The following ELMO1 variants were observed in gnomAD, a reference collection of about 807,000 sequenced individuals.
ELMO1 encodes the protein engulfment and cell motility protein 1.
Under a neutral mutation model 98.9 loss-of-function variants are expected in ELMO1, and 26 were observed. The ratio of observed to expected loss-of-function variants is 0.26; its 90% CI spans 0.19 to 0.36. The LOEUF (loss-of-function observed/expected upper bound fraction) is 0.36. Ranked by LOEUF, ELMO1 falls within the 10% of genes least tolerant of loss-of-function variation. The pLI is 1.00. For synonymous variants in ELMO1, 346 were observed against 346.0 expected (o/e 1.00, Z 0.00); for missense variants, 627 against 935.2 (o/e 0.67, Z 4.30).
At chr7:37,274,010 A>G (rs1421173982) in intron 4 of ELMO1, among the ~76,000 whole-genome samples, 2 of 152,136 alleles carry the variant, frequency 1.3e-5, no homozygotes, top group Non-Finnish European at 2.9e-5. Context: ...AAAACCCAAC[A>G]CCACCAGATC....
rs192956822 is a variant in ELMO1, at chr7:37,405,651, G to A, written c.-74+43024C>T. Among the ~76,000 whole-genome samples, 30 of 152,254 alleles carry A rather than the reference G, an allele frequency of 2.0e-4. No homozygotes were observed. In the East Asian group the frequency reaches 4.8e-3, roughly 25 times the overall value. On this transcript the variant is annotated intron_variant, in intron 1 of 21. Coordinates refer to ENST00000310758, the MANE Select transcript of ELMO1 (RefSeq NM_014800.11). ...CATGCTTCCTGGGACTCAAGGCGTC[G>A]GGCTTGTTAATGGGAAGGAGGGAGT...
At chr7:37,220,831 C>A (rs964062031) in intron 10 of ELMO1, among the ~76,000 whole-genome samples, 4 of 152,134 alleles carry the variant, frequency 2.6e-5, no homozygotes, top group Non-Finnish European at 5.9e-5. Flanking sequence ...GGAAAGGAAA[C>A]TTCCAAGAGT....
chr7:37,178,872 G>C (rs1490722213), intron 13 of ELMO1, among the ~76,000 whole-genome samples: 4 of 152,128 alleles, frequency 2.6e-5, no homozygotes, highest in Non-Finnish European at 5.9e-5. Context: ...TTAAAAATAA[G>C]GAAAGACTGA....
At chr7:37,348,316 C>T (rs1224794986) in intron 1 of ELMO1, among the ~76,000 whole-genome samples, 2 of 152,048 alleles carry the variant, frequency 1.3e-5, no homozygotes, top group African/African-American at 2.4e-5. Context: ...AAGGGAGAAA[C>T]AAAAGGGAAG....
intron 1 of ELMO1, among the ~76,000 whole-genome samples, chr7:37,356,401 TA>T (rs1801497627): frequency 6.6e-6 from 1 of 152,216 alleles, no homozygotes. Context: ...GTGGTTGAAC[TA>T]ATTTACACTC....
At chr7:37,356,368 G>A (rs751391310) in intron 1 of ELMO1, among the ~76,000 whole-genome samples, 1 of 152,132 alleles carries the variant, frequency 6.6e-6, no homozygotes, top group Admixed American at 6.5e-5. Flanking sequence ...GATCCTTGAC[G>A]AATCACCATA....
At chr7:36,938,138 C>G (rs1786710139) in intron 16 of ELMO1, among the ~76,000 whole-genome samples, 1 of 152,226 alleles carries the variant, frequency 6.6e-6, no homozygotes, top group Non-Finnish European at 1.5e-5. Context: ...TGGAATGCCC[C>G]TGGGTTTCTG....
chr7:37,223,332 T>C (rs1163001596), intron 9 of ELMO1, among the ~76,000 whole-genome samples: 1 of 152,140 alleles, frequency 6.6e-6, no homozygotes, highest in Non-Finnish European at 1.5e-5. Flanking sequence ...TGAGCTACAT[T>C]TAGGAATAAC....
At chr7:37,125,259 T>C (rs990462636) in intron 14 of ELMO1, among the ~76,000 whole-genome samples, 11 of 152,064 alleles carry the variant, frequency 7.2e-5, no homozygotes, top group African/African-American at 1.5e-4. Context: ...CCAAAAGCAA[T>C]GGCAACAAAA....
At chr7:37,401,528 T>C (rs1803526836) in intron 1 of ELMO1, among the ~76,000 whole-genome samples, 1 of 152,138 alleles carries the variant, frequency 6.6e-6, no homozygotes. Context: ...GGAAACAAGT[T>C]TAATTGACTT....
intron 15 of ELMO1, among the ~76,000 whole-genome samples, chr7:37,033,933 A>G (rs1162039136): frequency 6.6e-6 from 1 of 152,230 alleles, no homozygotes; most frequent in Non-Finnish European, 1.5e-5. Flanking sequence ...ATTAGGTTTA[A>G]GATAAGAGAG....
intron 4 of ELMO1, among the ~76,000 whole-genome samples, chr7:37,276,088 C>T (rs1371703571): frequency 6.6e-6 from 1 of 152,180 alleles, no homozygotes; most frequent in Non-Finnish European, 1.5e-5. Flanking sequence ...GCGGGAAAAC[C>T]TGGTGCAAGT....
At chr7:36,979,851 G>C (rs951187900) in intron 16 of ELMO1, among the ~76,000 whole-genome samples, 19 of 152,224 alleles carry the variant, frequency 1.2e-4, no homozygotes, top group Admixed American at 2.0e-4. Context: ...TGGGCTACCA[G>C]TGTGAAGGCC....
At chr7:37,335,674 C>G (rs1479694557) in intron 2 of ELMO1, among the ~76,000 whole-genome samples, 3 of 152,128 alleles carry the variant, frequency 2.0e-5, no homozygotes, top group Non-Finnish European at 4.4e-5. Flanking sequence ...TGCCCGGAAG[C>G]CCTCGGCAGC....
chr7:37,402,018 T>C (rs1803558600), intron 1 of ELMO1, among the ~76,000 whole-genome samples: 1 of 152,208 alleles, frequency 6.6e-6, no homozygotes, highest in Admixed American at 6.5e-5. Context: ...AGCATAAAAA[T>C]ACACAGGTTT....
chr7:37,390,100 C>G (rs1803003393), intron 1 of ELMO1, among the ~76,000 whole-genome samples: 1 of 152,092 alleles, frequency 6.6e-6, no homozygotes, highest in African/African-American at 2.4e-5. Flanking sequence ...ATCACAGCAG[C>G]AAGTTGTAAA....
intron 2 of ELMO1, among the ~76,000 whole-genome samples, chr7:37,340,157 G>C (rs1450746485): frequency 6.6e-6 from 1 of 152,194 alleles, no homozygotes; most frequent in Non-Finnish European, 1.5e-5. Flanking sequence ...GATGGAATTT[G>C]AATATGGATT....
At chr7:37,197,302 T>C (rs1792021423) in intron 13 of ELMO1, 1 of 152,272 alleles carries the variant, frequency 6.6e-6, no homozygotes, top group Admixed American at 6.5e-5. Context: ...AATTGGTTCT[T>C]GTCCCTTCCC....
intron 15 of ELMO1, chr7:37,033,491 T>C: frequency 2.5e-6 from 1 of 405,944 alleles, no homozygotes; most frequent in South Asian, 1.7e-5. Flanking sequence ...GTGTTTAGTG[T>C]TAAAAAAAAA....
Sources: allele counts gnomAD v4.1 joint callset (sites outside exome capture counted in the v4.1 genomes callset), GRCh38; gene constraint gnomAD v4.1.1; transcripts MANE v1.5; gene names NCBI Gene and HGNC (gene_info 2026-07-23, HGNC 2026-07-21).